CSMD1: variants seen among roughly 807,000 people sequenced by gnomAD.
CSMD1 encodes CUB and sushi domain-containing protein 1.
A neutral mutation model predicts 417.5 loss-of-function variants in CSMD1; 213 were observed. That is an observed-to-expected ratio of 0.51 (90% CI 0.46 to 0.57). The LOEUF is 0.57. CSMD1 is among the 20% of genes least tolerant of loss of function. The pLI is 0.00. For missense variants in CSMD1, 6,923 were observed against 4,529.7 expected (o/e 1.53, Z -15.17); for synonymous variants, 2,862 against 1,736.8 (o/e 1.65, Z -16.11).
intron 9 of CSMD1, among the ~76,000 whole-genome samples, chr8:3,583,662 GC>G (rs1006914232): frequency 6.6e-6 from 1 of 151,966 alleles, no homozygotes; most frequent in Non-Finnish European, 1.5e-5. Context: ...AGGAATCAGG[GC>G]TGGGTGATTT....
intron 5 of CSMD1, among the ~76,000 whole-genome samples, chr8:3,877,978 A>G (rs981290319): frequency 6.6e-6 from 1 of 150,386 alleles, no homozygotes; most frequent in Non-Finnish European, 1.5e-5. Context: ...TTTTTTTTTT[A>G]AACTTAAACT....
At chr8:4,738,076 G>A (rs1383027272) in intron 1 of CSMD1, among the ~76,000 whole-genome samples, 1 of 152,164 alleles carries the variant, frequency 6.6e-6, no homozygotes, top group African/African-American at 2.4e-5. Context: ...AAGATTACAT[G>A]CCAACACCAG....
At chr8:3,075,655 T>C (rs1813607668) in intron 49 of CSMD1, among the ~76,000 whole-genome samples, 1 of 152,140 alleles carries the variant, frequency 6.6e-6, no homozygotes, top group South Asian at 2.1e-4. Context: ...AATAGCTTTA[T>C]ATCAGTTTTG....
intron 37 of CSMD1, among the ~76,000 whole-genome samples, chr8:3,168,154 G>T (rs536446041): frequency 6.6e-6 from 1 of 152,088 alleles, no homozygotes; most frequent in Non-Finnish European, 1.5e-5. Flanking sequence ...ATTAATAGAG[G>T]AGTAGCATGA....
At chr8:3,492,847 C>A (rs1047650674) in intron 11 of CSMD1, among the ~76,000 whole-genome samples, 2 of 151,544 alleles carry the variant, frequency 1.3e-5, no homozygotes, top group African/African-American at 4.9e-5. Flanking sequence ...CCCCCCATGT[C>A]TGTTACTTTA....
intron 1 of CSMD1, among the ~76,000 whole-genome samples, chr8:4,900,456 A>G (rs111882021): frequency 0.026 from 3,919 of 152,210 alleles, 183 homozygotes; most frequent in African/African-American, 0.088. Context: ...CATTCAGTTT[A>G]TCCAGTCCTC....
In CSMD1 at chr8:3,032,302, G is replaced by C. The variant is rs542064871; in HGVS notation, c.7661-2789C>G. Among the ~76,000 whole-genome samples the C allele has an allele frequency of 3.0e-4, 45 of 151,998 alleles. No homozygotes were observed. The East Asian group carries it at 8.7e-3, about 29-fold the overall frequency. On this transcript the variant is annotated intron_variant, in intron 50 of 69. Coordinates refer to ENST00000635120, the MANE Select transcript of CSMD1 (RefSeq NM_033225.6). ...AATACTCTGTGACGTAATTTGGGAG[G>C]AGAAATCCCAAATAATATAAACCAA...
At position 3,284,144 on chromosome 8, in the gene CSMD1, T is replaced by C; in HGVS notation, c.4153A>G (p.Thr1385Ala). The change falls in exon 26 of 70, where the codon ACC becomes GCC. Residue 1385 changes from threonine to alanine, a missense_variant and splice_region_variant. By Grantham distance (58) the Thr-to-Ala change is moderately conservative. Coordinates refer to ENST00000635120, the MANE Select transcript of CSMD1 (RefSeq NM_033225.6). ...AGAAGAAGCACGCTGTGCCACCTAC[T>C]GGAGAACTGGATGGAGAAGCCAGAC... Reference protein sequence around the residue: ...SKSGFSIQFSTSIAATCNDPG... With the variant: ...SKSGFSIQFSASIAATCNDPG... 1.3e-6 allele frequency: 2 copies of C among 1,559,468 alleles called. No individual in the cohort carries two copies. The highest frequency in any genetic ancestry group is 1.7e-6 in the Non-Finnish European group (2 of 1,151,552).
In CSMD1 at chr8:3,095,311, A is replaced by G. The variant is rs201742108; in HGVS notation, c.7138+1538T>C. Among the ~76,000 whole-genome samples the G allele has an allele frequency of 2.6e-5, 4 of 152,302 alleles. No individual in the cohort carries two copies. In the East Asian group the frequency reaches 7.7e-4, roughly 29 times the overall value. On this transcript the variant is annotated intron_variant, in intron 47 of 69. Coordinates refer to ENST00000635120, the MANE Select transcript of CSMD1 (RefSeq NM_033225.6). Reference sequence around the variant, plus strand: ...TTTTAATTTTTGCATAATACCTAATAGGCCTCAAATAGAGTTTACCTCTCT... The same window carrying G: ...TTTTAATTTTTGCATAATACCTAATGGGCCTCAAATAGAGTTTACCTCTCT...
chr8:4,947,414 C>A (rs1585386545), intron 1 of CSMD1, among the ~76,000 whole-genome samples: 1 of 133,434 alleles, frequency 7.5e-6, no homozygotes, highest in Admixed American at 7.2e-5. Flanking sequence ...CTAAGAATTA[C>A]CAGTTTTTTT....
intron 1 of CSMD1, among the ~76,000 whole-genome samples, chr8:4,688,665 C>T (rs1369163543): frequency 1.3e-5 from 2 of 152,136 alleles, no homozygotes; most frequent in African/African-American, 2.4e-5. Flanking sequence ...AAGAACAATG[C>T]TTCCTATTTA....
intron 7 of CSMD1, among the ~76,000 whole-genome samples, chr8:3,658,464 G>GTA (rs113956125): frequency 0.26 from 37,114 of 144,048 alleles, 5,046 homozygotes; most frequent in East Asian, 0.43. Flanking sequence ...TATATATATT[G>GTA]TGTATATATA....
intron 10 of CSMD1, among the ~76,000 whole-genome samples, chr8:3,560,009 G>T (rs1039088766): frequency 6.6e-5 from 10 of 152,112 alleles, no homozygotes; most frequent in African/African-American, 1.4e-4. Context: ...TGAGTGGCCA[G>T]CGTAAGGGAT....
chr8:3,107,084 T>A (rs1023983354), intron 45 of CSMD1: 1 of 156,792 alleles, frequency 6.4e-6, no homozygotes, highest in South Asian at 2.0e-4. Flanking sequence ...TTGGGTCACG[T>A]AGTTTGACCA....
chr8:4,717,132 C>G (rs1046300677), intron 1 of CSMD1, among the ~76,000 whole-genome samples: 4 of 151,146 alleles, frequency 2.6e-5, no homozygotes, highest in Admixed American at 6.6e-5. Flanking sequence ...AGAAAATAAT[C>G]ATTAGGAAAA....
intron 1 of CSMD1, among the ~76,000 whole-genome samples, chr8:4,640,393 C>A (rs140344560): frequency 6.6e-6 from 1 of 152,042 alleles, no homozygotes; most frequent in Non-Finnish European, 1.5e-5. Flanking sequence ...ATAAAGCCAC[C>A]GTGATTAAAG....
At chr8:3,259,618 A>G (rs766455467) in intron 26 of CSMD1, among the ~76,000 whole-genome samples, 21 of 152,154 alleles carry the variant, frequency 1.4e-4, no homozygotes, top group Non-Finnish European at 2.9e-5. Flanking sequence ...GACATGACAA[A>G]TTCCTCCTCG....
chr8:4,038,003 C>T (rs571400902), intron 3 of CSMD1, among the ~76,000 whole-genome samples: 28 of 152,188 alleles, frequency 1.8e-4, no homozygotes, highest in South Asian at 8.3e-4. Flanking sequence ...ATTTTAGTCA[C>T]TTTATTCCCA....
chr8:3,694,667 G>T (rs745713197), intron 7 of CSMD1, among the ~76,000 whole-genome samples: 1 of 151,940 alleles, frequency 6.6e-6, no homozygotes, highest in Admixed American at 6.6e-5. Context: ...AGTGGAGGAG[G>T]TGCTCCACTG....
Sources: allele counts gnomAD v4.1 joint callset (sites outside exome capture counted in the v4.1 genomes callset), GRCh38; gene constraint gnomAD v4.1.1; transcripts MANE v1.5; gene names NCBI Gene and HGNC (gene_info 2026-07-23, HGNC 2026-07-21).